The following TBX18 variants were observed in gnomAD, a reference collection of about 807,000 sequenced individuals.
TBX18 encodes the protein T-box transcription factor 18, also known as T-box transcription factor TBX18.
Under a neutral mutation model 55.0 loss-of-function variants are expected in TBX18, and 21 were observed. The ratio of observed to expected loss-of-function variants is 0.38; its 90% CI spans 0.27 to 0.55. The LOEUF is 0.55. Among genes scored for constraint, TBX18 ranks in the 20% least tolerant of loss-of-function variants. TBX18 has a pLI of 0.73. For missense variants in TBX18, 840 were observed against 799.6 expected, an observed-to-expected ratio of 1.05 and a Z score of -0.61; for synonymous variants, 342 against 326.1, an observed-to-expected ratio of 1.05 and a Z score of -0.53.
At position 84,762,603 on chromosome 6, in the gene TBX18, G is replaced by C. The variant is rs767135395; in HGVS notation, c.438C>G (p.Ala146=). 1 of 1,613,746 alleles carries C rather than the reference G, an allele frequency of 6.2e-7. No individual in the cohort carries two copies. The highest frequency in any genetic ancestry group is 8.5e-7 in the Non-Finnish European group (1 of 1,179,910). Residue 146 remains alanine, a synonymous_variant, in exon 2 of 8, where the codon GCC becomes GCG. Coordinates refer to ENST00000369663, the MANE Select transcript of TBX18 (RefSeq NM_001080508.3). Reference sequence around the variant, plus strand: ...TCTCATGAAAGCGCTTCCAGAGCTCGGCTCCCTGCAGATCCACCCGCGGGG... The same window carrying C: ...TCTCATGAAAGCGCTTCCAGAGCTCCGCTCCCTGCAGATCCACCCGCGGGG... ...PQAPRVDLQG[A]ELWKRFHEIG...
chr6:84,763,484 G>A, intron 1 of TBX18: 1 of 475,386 alleles, frequency 2.1e-6, no homozygotes, highest in Non-Finnish European at 4.2e-6. Context: ...AAACGGTTTA[G>A]GGCATTCGTT....
Position 84,762,852 on chromosome 6 carries a change from G to T in TBX18, c.293-104C>A. 3 of 1,092,024 alleles carry T rather than the reference G, an allele frequency of 2.7e-6. No individual in the cohort carries two copies. The South Asian group carries it at 4.1e-5, about 15-fold the overall frequency. The allele number at this position is 1,092,024 out of a possible 1,614,324, so 67.6% of individuals were successfully genotyped here. On this transcript the variant is annotated intron_variant, in intron 1 of 7. Coordinates refer to ENST00000369663, the MANE Select transcript of TBX18 (RefSeq NM_001080508.3). The stretch of plus-strand genomic sequence containing the variant: ...TGGCTGAGAAGAGGAAAATGACCGG[G>T]AGAAAAGGGGAAGCTTTGGTGCCAT...
At position 84,749,770 on chromosome 6, in the gene TBX18, T is replaced by C. The variant is rs898194851; in HGVS notation, c.772-1683A>G. Among the ~76,000 whole-genome samples, 7 of 152,002 alleles carry C rather than the reference T, an allele frequency of 4.6e-5. No individual in the cohort carries two copies. The East Asian group carries it at 1.4e-3, about 29-fold the overall frequency. ...TGACTTATGAAATCAACATGAAGGG[T>C]TGCAACCAGAAATTTTTTAAATAAA... On this transcript the variant is annotated intron_variant, in intron 4 of 7. Coordinates refer to ENST00000369663, the MANE Select transcript of TBX18 (RefSeq NM_001080508.3).
intron 2 of TBX18, 97 bp downstream of exon 2, chr6:84,762,447 C>G: frequency 7.1e-7 from 1 of 1,411,406 alleles, no homozygotes; most frequent in Non-Finnish European, 1.0e-6. Context: ...ATCCAGAACC[C>G]CCACCGAGCT....
chr6:84,751,553 C>CTT (rs1178381398), intron 4 of TBX18, among the ~76,000 whole-genome samples: 1 of 152,150 alleles, frequency 6.6e-6, no homozygotes, highest in African/African-American at 2.4e-5. Context: ...TTTATGATAG[C>CTT]ATTATGTGCT....
intron 6 of TBX18, among the ~76,000 whole-genome samples, chr6:84,740,620 C>T (rs985332607): frequency 1.3e-5 from 2 of 152,160 alleles, no homozygotes; most frequent in Non-Finnish European, 2.9e-5. Context: ...GACTAATGAA[C>T]TCTGGGTCCT....
chr6:84,738,945 C>T (rs1766969709), intron 6 of TBX18, among the ~76,000 whole-genome samples: 1 of 152,184 alleles, frequency 6.6e-6, no homozygotes, highest in African/African-American at 2.4e-5. Flanking sequence ...GGAACACACC[C>T]ACTCTCCTTG....
At chr6:84,747,357 A>T (rs1347257330) in intron 5 of TBX18, among the ~76,000 whole-genome samples, 1 of 152,170 alleles carries the variant, frequency 6.6e-6, no homozygotes, top group Non-Finnish European at 1.5e-5. Context: ...CCCATATAGA[A>T]AGGAAATATT....
At chr6:84,759,019 G>A (rs185800531) in intron 3 of TBX18, among the ~76,000 whole-genome samples, 5 of 151,914 alleles carry the variant, frequency 3.3e-5, no homozygotes, top group Non-Finnish European at 5.9e-5. Flanking sequence ...AGAAGAAAAA[G>A]GAATAATTAT....
Position 84,764,013 on chromosome 6 carries a change from G to C in TBX18, c.169C>G (p.Arg57Gly). ...AGAVDDGGCS[R>G]GGGAGEKGSS... ...CCCTTTTCGCCCGCGCCGCCGCCGCGGCTGCAGCCTCCGTCGTCCACGGCC... is the reference window on the plus strand; with the variant it reads ...CCCTTTTCGCCCGCGCCGCCGCCGCCGCTGCAGCCTCCGTCGTCCACGGCC... Residue 57 changes from arginine to glycine, a missense_variant, in exon 1 of 8, where the codon CGC (arginine) becomes GGC (glycine). Physicochemically the swap from Arg to Gly is moderately radical, Grantham distance 125. Coordinates refer to ENST00000369663, the MANE Select transcript of TBX18 (RefSeq NM_001080508.3). The C allele has an allele frequency of 6.4e-7, 1 of 1,557,300 alleles. No homozygotes were observed. The highest frequency in any genetic ancestry group is 1.2e-5 in the South Asian group (1 of 85,624).
chr6:84,757,640 T>C (rs1374766593), intron 3 of TBX18, among the ~76,000 whole-genome samples: 1 of 152,038 alleles, frequency 6.6e-6, no homozygotes, highest in Non-Finnish European at 1.5e-5. Flanking sequence ...ACTTTTCTAA[T>C]TAGGAAACAA....
At chr6:84,750,282 T>TAAA (rs1767311637) in intron 4 of TBX18, among the ~76,000 whole-genome samples, 1 of 81,536 alleles carries the variant, frequency 1.2e-5, no homozygotes, top group African/African-American at 5.8e-5. Context: ...AGATTCTATC[T>TAAA]CAAAAAAAAA....
chr6:84,737,381 T>G lies in TBX18; in HGVS notation c.1128A>C (p.Gln376His), dbSNP rs201180958. The change falls in exon 8 of 8, where the codon CAA becomes CAC. Residue 376 changes from glutamine (Q) to histidine (H), a missense_variant. By Grantham distance (24) the Gln-to-His change is conservative. Coordinates refer to ENST00000369663, the MANE Select transcript of TBX18 (RefSeq NM_001080508.3). ...TGGCAGGAACGCCATTCCCAGTACC[T>G]TGGAGCAAGGTGGAGGAACTTGCAT... ...QGNASSSTLL[Q>H]GTGNGVPATH... The G allele has an allele frequency of 5.9e-6, 9 of 1,526,374 alleles. No homozygotes were observed. Among genetic ancestry groups the G allele is most frequent in the Non-Finnish European group, 7.9e-6 (9 of 1,137,562 alleles). 94.6% of individuals were successfully genotyped at this position (1,526,374 alleles called of 1,614,324 possible).
intron 6 of TBX18, among the ~76,000 whole-genome samples, chr6:84,743,217 C>A (rs770799690): frequency 6.6e-6 from 1 of 152,086 alleles, no homozygotes; most frequent in Non-Finnish European, 1.5e-5. Flanking sequence ...CATTTCAGTC[C>A]TCATGTTGCG....
chr6:84,764,092 C>A lies in TBX18; in HGVS notation c.90G>T (p.Lys30Asn). The A allele has an allele frequency of 1.3e-6, 2 of 1,585,892 alleles. No individual in the cohort carries two copies. Among genetic ancestry groups the A allele is most frequent in the Non-Finnish European group, 1.7e-6 (2 of 1,171,606 alleles). The stretch of plus-strand genomic sequence containing the variant: ...GCCGCTTCTTCTGAAGCTGTTGCTG[C>A]TTCTCGGCGCCGATCAGCGCCTCCA... Reference protein sequence around the residue: ...FSVEALIGAEKQQQLQKKRRK... With the variant: ...FSVEALIGAENQQQLQKKRRK... Residue 30 changes from lysine (K) to asparagine (N), a missense_variant, in exon 1 of 8, where the codon AAG becomes AAT. Transcript: ENST00000369663.
chr6:84,742,007 G>A (rs976982179), intron 6 of TBX18: 6 of 152,092 alleles, frequency 3.9e-5, no homozygotes, highest in Non-Finnish European at 7.4e-5. Context: ...ATGATTTATA[G>A]ATATTTAGCA....
In TBX18 at chr6:84,737,360, A is replaced by C. The variant is rs1766906831; in HGVS notation, c.1149T>G (p.Pro383=). The C allele has an allele frequency of 6.4e-7, 1 of 1,554,926 alleles. No individual in the cohort carries two copies. Among genetic ancestry groups the C allele is most frequent in the Non-Finnish European group, 8.7e-7 (1 of 1,153,736 alleles). Residue 383 remains proline, a synonymous_variant, in exon 8 of 8, where the codon CCT becomes CCG. Coordinates refer to ENST00000369663, the MANE Select transcript of TBX18 (RefSeq NM_001080508.3). ...TLLQGTGNGV[P]ATHPHLLSGS... is the part of the protein sequence containing the mutation. ...CAGACAAAAGGTGAGGGTGAGTGGC[A>C]GGAACGCCATTCCCAGTACCTTGGA... is the stretch of plus-strand genomic sequence containing the variant.
In TBX18 at chr6:84,764,000, G is replaced by A. The variant is rs769323065; in HGVS notation, c.182C>T (p.Ala61Val). Reference sequence around the variant, plus strand: ...TCCCTCAGAAGAACCCTTTTCGCCCGCGCCGCCGCCGCGGCTGCAGCCTCC... The same window carrying A: ...TCCCTCAGAAGAACCCTTTTCGCCCACGCCGCCGCCGCGGCTGCAGCCTCC... The part of the protein sequence containing the change: ...DDGGCSRGGG[A>V]GEKGSSEGDE... Residue 61 changes from alanine (A) to valine (V), a missense_variant, in exon 1 of 8, where the codon GCG becomes GTG. Coordinates refer to ENST00000369663, the MANE Select transcript of TBX18 (RefSeq NM_001080508.3). 7.0e-6 allele frequency: 11 copies of A among 1,563,328 alleles called. No individual in the cohort carries two copies. The highest frequency in any genetic ancestry group is 9.5e-6 in the Non-Finnish European group (11 of 1,159,106).
At chr6:84,742,173 A>T (rs1767064629) in intron 6 of TBX18, 1 of 152,190 alleles carries the variant, frequency 6.6e-6, no homozygotes, top group African/African-American at 2.4e-5. Flanking sequence ...CACTTGGAAC[A>T]AAATAAAAAT....
Sources: allele counts gnomAD v4.1 joint callset (sites outside exome capture counted in the v4.1 genomes callset), GRCh38; gene constraint gnomAD v4.1.1; transcripts MANE v1.5; gene names NCBI Gene and HGNC (gene_info 2026-07-23, HGNC 2026-07-21).